The following USP48 variants were observed in gnomAD, a reference collection of about 807,000 sequenced individuals.
USP48 encodes the protein ubiquitin specific peptidase 48.
USP48 carries 43 observed loss-of-function variants against 150.7 expected under a neutral mutation model. The observed-to-expected ratio is 0.29, with a 90% CI of 0.22 to 0.37. USP48 has a LOEUF of 0.37. Ranked by LOEUF, USP48 falls within the 10% of genes least tolerant of loss-of-function variation. The pLI is 1.00. For missense variants in USP48, 813 were observed against 1,249.6 expected (o/e 0.65, Z 5.27); for synonymous variants, 396 against 425.9 (o/e 0.93, Z 0.86).
At chr1:21,680,879 C>CGTGACAGACA (rs1384314314) in intron 25 of USP48, 45 bp from the exon 26 acceptor site, 3 of 1,476,142 alleles carry the variant, frequency 2.0e-6, no homozygotes, top group Non-Finnish European at 2.8e-6. Flanking sequence ...AAAAGATTGT[C>CGTGACAGACA]GTGACAGACA....
At chr1:21,778,611 A>AAG (rs1461994768) in intron 1 of USP48, among the ~76,000 whole-genome samples, 1 of 150,398 alleles carries the variant, frequency 6.6e-6, no homozygotes, top group African/African-American at 2.4e-5. Context: ...TAAAAAAAAA[A>AAG]AAAAAAAAAA....
At chr1:21,762,333 G>C (rs2152620175) in intron 1 of USP48, among the ~76,000 whole-genome samples, 1 of 152,150 alleles carries the variant, frequency 6.6e-6, no homozygotes, top group Non-Finnish European at 1.5e-5. Context: ...AATCTCTCCT[G>C]GGAACAGTGA....
chr1:21,775,426 G>A (rs1233663977), intron 1 of USP48, among the ~76,000 whole-genome samples: 2 of 152,032 alleles, frequency 1.3e-5, no homozygotes, highest in Non-Finnish European at 2.9e-5. Flanking sequence ...CACCATGCCC[G>A]GCTAATTTAG....
Position 21,679,289 on chromosome 1 carries a change from G to T in USP48, c.*128C>A. ...GCATTTGGGACAGTCACGTTTGAAT[G>T]GATTTCTGCCTTTTGGAAGGGGCAT... is the stretch of plus-strand genomic sequence containing the variant. On this transcript the variant is annotated 3_prime_UTR_variant, in exon 27 of 27. Transcript: ENST00000308271. 9.2e-7 allele frequency: 1 copy of T among 1,085,718 alleles called. No homozygotes were observed. Among genetic ancestry groups the T allele is most frequent in the Non-Finnish European group, 1.4e-6 (1 of 731,484 alleles). The allele number at this position is 1,085,718 out of a possible 1,614,324, so 67.3% of individuals were successfully genotyped here.
At chr1:21,706,054 C>T (rs2097671381) in intron 18 of USP48, 72 bp downstream of exon 18, 13 of 1,493,302 alleles carry the variant, frequency 8.7e-6, no homozygotes, top group South Asian at 4.6e-5. Flanking sequence ...ACAGAATCCA[C>T]GATATCTTAA....
intron 12 of USP48, among the ~76,000 whole-genome samples, chr1:21,723,179 C>A (rs1218820875): frequency 6.6e-6 from 1 of 152,076 alleles, no homozygotes; most frequent in Admixed American, 6.5e-5. Flanking sequence ...CAAGTAGCTT[C>A]CATTCATAAA....
intron 15 of USP48, among the ~76,000 whole-genome samples, chr1:21,708,884 C>CAAAAAAAAAAAA (rs1181628764): frequency 6.0e-5 from 1 of 16,602 alleles, no homozygotes; most frequent in African/African-American, 1.6e-4. Context: ...GACTCCGTCT[C>CAAAAAAAAAAAA]AAAAAAAAAA....
intron 5 of USP48, among the ~76,000 whole-genome samples, chr1:21,752,129 C>A (rs1037337541): frequency 6.6e-6 from 1 of 152,024 alleles, no homozygotes; most frequent in African/African-American, 2.4e-5. Context: ...AGTTTTGTTA[C>A]ATGAATATAT....
At chr1:21,749,261 C>G (rs2097802971) in intron 6 of USP48, among the ~76,000 whole-genome samples, 1 of 152,140 alleles carries the variant, frequency 6.6e-6, no homozygotes, top group Admixed American at 6.5e-5. Context: ...ACTGACTTGC[C>G]TCCTAATTCA....
intron 19 of USP48, 56 bp downstream of exon 19, chr1:21,705,671 T>C: frequency 7.9e-7 from 1 of 1,266,798 alleles, no homozygotes; most frequent in Non-Finnish European, 1.1e-6. Context: ...CATATTTTAT[T>C]AATCATCAAA....
At chr1:21,715,111 A>C (rs2097700717) in intron 15 of USP48, 1 of 322,824 alleles carries the variant, frequency 3.1e-6, no homozygotes, top group African/African-American at 2.2e-5. Context: ...AAGATGAAGA[A>C]GAAGAAACAT....
intron 22 of USP48, among the ~76,000 whole-genome samples, chr1:21,698,899 TAAA>T (rs2097646025): frequency 6.6e-6 from 1 of 151,374 alleles, no homozygotes; most frequent in South Asian, 2.1e-4. Context: ...GGTCTCAAAA[TAAA>T]AAAATTTGAT....
At chr1:21,696,100 C>G (rs1417131109) in intron 22 of USP48, among the ~76,000 whole-genome samples, 2 of 152,088 alleles carry the variant, frequency 1.3e-5, no homozygotes, top group Admixed American at 1.3e-4. Flanking sequence ...AAATACAGAA[C>G]ATGGAACAAT....
chr1:21,779,360 C>T, intron 1 of USP48, among the ~76,000 whole-genome samples: 1 of 151,996 alleles, frequency 6.6e-6, no homozygotes, highest in East Asian at 1.9e-4. Flanking sequence ...GCCTGGCCAA[C>T]TTGGCGAAAC....
chr1:21,706,674 T>C lies in USP48; in HGVS notation c.2088+70A>G, dbSNP rs2097673500. On this transcript the variant is annotated intron_variant, in intron 16 of 26. Transcript: ENST00000308271. ...CTACACCCCCGTCAGAAGTACAGTGTTAATTCCCCTGGGAAGTCAACCCAG... is the reference window on the plus strand; with the variant it reads ...CTACACCCCCGTCAGAAGTACAGTGCTAATTCCCCTGGGAAGTCAACCCAG... 2.5e-6 allele frequency: 4 copies of C among 1,611,112 alleles called. No homozygotes were observed. The South Asian group carries it at 3.3e-5, about 13-fold the overall frequency.
At chr1:21,691,109 G>A (rs2097598176) in intron 23 of USP48, among the ~76,000 whole-genome samples, 1 of 152,098 alleles carries the variant, frequency 6.6e-6, no homozygotes, top group African/African-American at 2.4e-5. Context: ...CACGTCAGGA[G>A]TTCGAGACCA....
intron 21 of USP48, among the ~76,000 whole-genome samples, chr1:21,703,025 C>T (rs2097661691): frequency 6.6e-6 from 1 of 152,206 alleles, no homozygotes. Flanking sequence ...GAAAACACTT[C>T]CCAGGCTGCA....
intron 26 of USP48, among the ~76,000 whole-genome samples, chr1:21,679,946 A>G (rs2097561132): frequency 6.6e-6 from 1 of 152,164 alleles, no homozygotes; most frequent in Admixed American, 6.5e-5. Context: ...CACCCGTCTC[A>G]ACCTCCAAAA....
chr1:21,721,092 T>C lies in USP48; in HGVS notation c.1838A>G (p.Gln613Arg), dbSNP rs373671335. The change falls in exon 14 of 27, where the codon CAA (glutamine) becomes CGA (arginine). Residue 613 changes from glutamine (Q) to arginine (R), a missense_variant. Coordinates refer to ENST00000308271, the MANE Select transcript of USP48 (RefSeq NM_032236.8). ...RQLALEQLDE[Q>R]DGDAEQSNGK... ...GTTGCTTTGTTCTGCATCACCATCT[T>C]GCTCATCCAGCTGTTCAAGAGCTAG... 12 of 1,614,160 alleles carry C rather than the reference T, an allele frequency of 7.4e-6. No homozygotes were observed. Among genetic ancestry groups the C allele is most frequent in the African/African-American group, 1.3e-5 (1 of 74,960 alleles).
Sources: gnomAD v4.1 joint callset for allele counts (sites outside exome capture counted in the v4.1 genomes callset) on GRCh38, gnomAD v4.1.1 for gene constraint, MANE v1.5 for transcripts, NCBI Gene and HGNC (gene_info 2026-07-23, HGNC 2026-07-21) for gene names.